The following LRMDA variants were observed in gnomAD, a reference collection of about 807,000 sequenced individuals.
The protein encoded by LRMDA is leucine rich melanocyte differentiation associated, also known as leucine-rich melanocyte differentiation-associated protein.
A neutral mutation model predicts 29.8 loss-of-function variants in LRMDA; 18 were observed. The ratio of observed to expected loss-of-function variants is 0.60; its 90% CI spans 0.42 to 0.90. LRMDA has a LOEUF of 0.90. Ranked by LOEUF, LRMDA falls within the 40% of genes least tolerant of loss-of-function variation. The pLI, the probability that LRMDA is intolerant of heterozygous loss-of-function variation, is 0.00. For missense variants in LRMDA, 273 were observed against 273.9 expected, an observed-to-expected ratio of 1.00 and a Z score of 0.02; for synonymous variants, 125 against 109.4, an observed-to-expected ratio of 1.14 and a Z score of -0.89.
intron 5 of LRMDA, among the ~76,000 whole-genome samples, chr10:76,135,771 C>CT (rs199666457): frequency 0.15 from 21,461 of 141,626 alleles, 1,800 homozygotes; most frequent in Middle Eastern, 0.23. Context: ...AATTTTCTTT[C>CT]TTTTTTTTTT....
intron 2 of LRMDA, among the ~76,000 whole-genome samples, chr10:75,477,343 C>A (rs978165326): frequency 3.3e-5 from 5 of 152,160 alleles, no homozygotes; most frequent in Admixed American, 2.6e-4. Context: ...GACCCTGTCT[C>A]CCATTCTGAG....
In LRMDA at chr10:75,495,109, A is replaced by G. The variant is rs542039275; in HGVS notation, c.131+56615A>G. 3.1e-4 allele frequency among the ~76,000 whole-genome samples: 47 copies of G among 152,304 alleles called. 2 individuals are homozygous for G. In the South Asian group the frequency reaches 9.5e-3, roughly 31 times the overall value. On this transcript the variant is annotated intron_variant, in intron 2 of 6. Transcript: ENST00000611255. ...ATTGCAGTCTTTTACCTGGGTGGCA[A>G]TGTGCCCTGCTAAAATTTGAGGTTC...
At chr10:75,563,567 T>C (rs1489881100) in intron 2 of LRMDA, among the ~76,000 whole-genome samples, 1 of 152,224 alleles carries the variant, frequency 6.6e-6, no homozygotes, top group Non-Finnish European at 1.5e-5. Flanking sequence ...GTTCCGTTGC[T>C]GGTGAGGAAC....
intron 6 of LRMDA, among the ~76,000 whole-genome samples, chr10:76,326,527 G>A (rs1483549001): frequency 6.6e-6 from 1 of 152,206 alleles, no homozygotes. Flanking sequence ...TCTTTCTCAA[G>A]TGAAATTCTC....
intron 2 of LRMDA, among the ~76,000 whole-genome samples, chr10:75,961,422 GT>G (rs1353694993): frequency 6.6e-6 from 1 of 152,214 alleles, no homozygotes; most frequent in Non-Finnish European, 1.5e-5. Flanking sequence ...CCCCACGGGG[GT>G]TTTGGTTTCT....
At chr10:75,659,251 T>TGA (rs1841718607) in intron 2 of LRMDA, among the ~76,000 whole-genome samples, 1 of 152,208 alleles carries the variant, frequency 6.6e-6, no homozygotes, top group Non-Finnish European at 1.5e-5. Flanking sequence ...GTTACTTTCT[T>TGA]CATCAAGGTT....
intron 2 of LRMDA, among the ~76,000 whole-genome samples, chr10:75,801,657 G>T: frequency 6.6e-6 from 1 of 152,204 alleles, no homozygotes; most frequent in South Asian, 2.1e-4. Flanking sequence ...TGAATGAGCT[G>T]GGGTGGAAGC....
chr10:75,889,145 T>C (rs1014099005), intron 2 of LRMDA, among the ~76,000 whole-genome samples: 2 of 152,156 alleles, frequency 1.3e-5, no homozygotes, highest in African/African-American at 4.8e-5. Context: ...TTGTGGAGTT[T>C]TGAGAAACTG....
At chr10:75,763,205 A>G (rs1044289427) in intron 2 of LRMDA, among the ~76,000 whole-genome samples, 2 of 152,232 alleles carry the variant, frequency 1.3e-5, no homozygotes, top group African/African-American at 4.8e-5. Flanking sequence ...TTGTTTCTAT[A>G]GGAAATATAG....
chr10:75,679,250 T>G (rs549213686), intron 2 of LRMDA, among the ~76,000 whole-genome samples: 1 of 152,304 alleles, frequency 6.6e-6, no homozygotes, highest in South Asian at 2.1e-4. Flanking sequence ...ACAACAAAAA[T>G]AATGATACTT....
At chr10:76,204,287 G>A (rs962100746) in intron 5 of LRMDA, among the ~76,000 whole-genome samples, 1 of 140,548 alleles carries the variant, frequency 7.1e-6, no homozygotes, top group African/African-American at 2.7e-5. Context: ...TATTTCATGT[G>A]CCTGTCCACC....
At chr10:76,236,588 C>T (rs1318989799) in intron 5 of LRMDA, among the ~76,000 whole-genome samples, 7 of 152,194 alleles carry the variant, frequency 4.6e-5, no homozygotes, top group African/African-American at 1.7e-4. Context: ...CCTTTAAAAA[C>T]CCTAGCCCCA....
chr10:75,606,647 T>C (rs917676442), intron 2 of LRMDA, among the ~76,000 whole-genome samples: 4 of 152,226 alleles, frequency 2.6e-5, no homozygotes, highest in Admixed American at 2.6e-4. Context: ...CGCAGTGTTT[T>C]TTCATCCCTT....
At chr10:75,921,600 G>C (rs1846026019) in intron 2 of LRMDA, among the ~76,000 whole-genome samples, 1 of 152,170 alleles carries the variant, frequency 6.6e-6, no homozygotes, top group Non-Finnish European at 1.5e-5. Context: ...AAAAAGCTTT[G>C]TGTTTGTGTC....
At chr10:76,250,407 TTATGA>T (rs1289041447) in intron 5 of LRMDA, among the ~76,000 whole-genome samples, 1 of 152,204 alleles carries the variant, frequency 6.6e-6, no homozygotes, top group African/African-American at 2.4e-5. Context: ...ATTATGGATG[TTATGA>T]TATGTATGTA....
intron 5 of LRMDA, among the ~76,000 whole-genome samples, chr10:76,259,939 C>T (rs1455761060): frequency 1.3e-5 from 2 of 151,758 alleles, no homozygotes; most frequent in Non-Finnish European, 2.9e-5. Context: ...TATCTTTTTC[C>T]ATCCCTTCAG....
At chr10:76,145,965 G>A (rs4359148) in intron 5 of LRMDA, among the ~76,000 whole-genome samples, 94,432 of 141,490 alleles carry the variant, frequency 0.67, 31,329 homozygotes, top group East Asian at 0.83. Context: ...AGTCATTCAG[G>A]AGCAGGTTGT....
chr10:75,449,404 C>T (rs1374066682), intron 2 of LRMDA, among the ~76,000 whole-genome samples: 1 of 152,012 alleles, frequency 6.6e-6, no homozygotes, highest in East Asian at 1.9e-4. Context: ...AGTGGTCTGA[C>T]TTCAGCTTTA....
chr10:76,522,995 C>T (rs1843136674), intron 6 of LRMDA, among the ~76,000 whole-genome samples: 1 of 152,284 alleles, frequency 6.6e-6, no homozygotes, highest in Middle Eastern at 3.4e-3. Context: ...TTTGTGGGCA[C>T]TGCAGACCAG....
Sources: allele counts gnomAD v4.1 joint callset (sites outside exome capture counted in the v4.1 genomes callset), GRCh38; gene constraint gnomAD v4.1.1; transcripts MANE v1.5; gene names NCBI Gene and HGNC (gene_info 2026-07-23, HGNC 2026-07-21).